The following CAPG variants were observed in gnomAD, a reference collection of about 807,000 sequenced individuals.
CAPG encodes the protein macrophage-capping protein.
Under a neutral mutation model 44.6 loss-of-function variants are expected in CAPG, and 32 were observed. That is an observed-to-expected ratio of 0.72 (90% CI 0.54 to 0.96). The LOEUF is 0.96. Ranked by LOEUF, CAPG falls within the 50% of genes least tolerant of loss-of-function variation. The probability of loss-of-function intolerance (pLI) is 0.00; values close to 1 mark genes in which losing one functional copy is unlikely to be tolerated. For synonymous variants in CAPG, 175 were observed against 179.6 expected, an observed-to-expected ratio of 0.97 and a Z score of 0.20; for missense variants, 412 against 438.3, an observed-to-expected ratio of 0.94 and a Z score of 0.54.
intron 6 of CAPG, 42 bp downstream of exon 6, chr2:85,399,094 T>C (rs748658508): frequency 1.4e-5 from 22 of 1,605,638 alleles, no homozygotes; most frequent in Non-Finnish European, 1.9e-5. Context: ...TTGGCCACTT[T>C]CAAGCAGAGG....
downstream of CAPG, among the ~76,000 whole-genome samples, chr2:85,392,908 G>C (rs1463041480): frequency 1.3e-5 from 2 of 152,116 alleles, no homozygotes; most frequent in African/African-American, 2.4e-5. Context: ...GTGCCCCCCA[G>C]ATGACAGAGT....
chr2:85,402,077 G>A (rs1231329329), intron 2 of CAPG, 46 bp downstream of exon 2: 1 of 1,610,166 alleles, frequency 6.2e-7, no homozygotes, highest in East Asian at 2.2e-5. Flanking sequence ...AGCCCTTGGA[G>A]GTAAAGAAGG....
intron 1 of CAPG, among the ~76,000 whole-genome samples, chr2:85,407,876 T>C (rs896011600): frequency 6.6e-6 from 1 of 152,126 alleles, no homozygotes; most frequent in Admixed American, 6.5e-5. Flanking sequence ...GGGTTGAAAC[T>C]CCTGCTGCCT....
chr2:85,403,614 C>A (rs972214678), intron 1 of CAPG, among the ~76,000 whole-genome samples: 2 of 152,104 alleles, frequency 1.3e-5, no homozygotes, highest in Non-Finnish European at 2.9e-5. Context: ...TTTGGCTGGA[C>A]ACGGTGGCTC....
chr2:85,409,260 C>T (rs1687312026), intron 1 of CAPG, among the ~76,000 whole-genome samples: 1 of 152,180 alleles, frequency 6.6e-6, no homozygotes, highest in South Asian at 2.1e-4. Flanking sequence ...CAGGCTGGAG[C>T]AGCCCCAGGA....
Position 85,398,745 on chromosome 2 carries a change from G to C in CAPG, c.704C>G (p.Pro235Arg). The C allele has an allele frequency of 6.2e-7, 1 of 1,607,906 alleles. No homozygotes were observed. Among genetic ancestry groups the C allele is most frequent in the Non-Finnish European group, 8.5e-7 (1 of 1,177,296 alleles). Residue 235 changes from proline (P) to arginine (R), a missense_variant, in exon 7 of 10, where the codon CCT (proline) becomes CGT (arginine). Pro to Arg is a moderately radical substitution (Grantham distance 103). Transcript: ENST00000263867. ...CTTGTCAGCTGTGAGGTCTTCCTCA[G>C]GGTTGCCCTCCTTCAGAGCAGGCTT... is the stretch of plus-strand genomic sequence containing the variant. Reference protein sequence around the residue: ...GPKPALKEGNPEEDLTADKAN... With the variant: ...GPKPALKEGNREEDLTADKAN...
rs142762000 is a variant in CAPG, at chr2:85,401,227, C to T, written c.454G>A (p.Glu152Lys). The T allele has an allele frequency of 5.0e-6, 8 of 1,614,170 alleles. No individual in the cohort carries two copies. Among genetic ancestry groups the T allele is most frequent in the African/African-American group, 1.3e-5 (1 of 75,044 alleles). The change falls in exon 5 of 10, where the codon GAG becomes AAG. Residue 152 changes from glutamate to lysine, a missense_variant. Coordinates refer to ENST00000263867, the MANE Select transcript of CAPG (RefSeq NM_001747.4). ...VKGKKNIRAT[E>K]RALNWDSFNT... ...AAGCTGTCCCAGTTCAGTGCCCGCT[C>T]GGTGGCACGGATGTTCTTCTTCCCC...
intron 5 of CAPG, among the ~76,000 whole-genome samples, chr2:85,399,730 CTTTCTT>C (rs1463372849): frequency 3.9e-4 from 58 of 147,920 alleles, no homozygotes; most frequent in African/African-American, 1.4e-3. Context: ...GCTCAAGCCT[CTTTCTT>C]TTTCTTTTTT....
chr2:85,398,209 C>G, intron 7 of CAPG, 57 bp from the exon 8 acceptor site: 2 of 1,584,610 alleles, frequency 1.3e-6, no homozygotes, highest in Non-Finnish European at 1.7e-6. Context: ...CTCACCTCAG[C>G]CTGAGGAGGG....
upstream of CAPG, among the ~76,000 whole-genome samples, chr2:85,419,443 G>A (rs1687666476): frequency 6.6e-6 from 1 of 152,200 alleles, no homozygotes; most frequent in South Asian, 2.1e-4. Context: ...CTCAGGGTCC[G>A]GCCTGCTCGG....
In CAPG at chr2:85,401,943, G is replaced by C. The variant is rs753111035; in HGVS notation, c.38C>G (p.Pro13Arg). ...CAGGCCTGGATCCTGCACTGAGCCT[G>C]GGAATGGAGAGCCACTGCGAGAAGA... ...TAIPQSGSPF[P>R]GSVQDPGLHV... The change falls in exon 3 of 10, where the codon CCA becomes CGA. Residue 13 changes from proline to arginine, a missense_variant. Coordinates refer to ENST00000263867, the MANE Select transcript of CAPG (RefSeq NM_001747.4). 18 of 1,614,146 alleles carry C rather than the reference G, an allele frequency of 1.1e-5. No homozygotes were observed. The highest frequency in any genetic ancestry group is 1.5e-5 in the Non-Finnish European group (18 of 1,180,012).
chr2:85,402,277 C>T, intron 1 of CAPG, 119 bp from the exon 2 acceptor site: 6 of 727,692 alleles, frequency 8.2e-6, no homozygotes. Context: ...TACTCCACCT[C>T]TAGGAGCCCT....
chr2:85,398,210 C>T, intron 7 of CAPG, 58 bp from the exon 8 acceptor site: 1 of 1,585,750 alleles, frequency 6.3e-7, no homozygotes, highest in Non-Finnish European at 8.6e-7. Context: ...TCACCTCAGC[C>T]TGAGGAGGGG....
At chr2:85,403,836 A>G (rs917308028) in intron 1 of CAPG, among the ~76,000 whole-genome samples, 1 of 149,588 alleles carries the variant, frequency 6.7e-6, no homozygotes. Context: ...GCAGTGAGCT[A>G]AGCCCATGCC....
upstream of CAPG, chr2:85,413,705 T>A (rs1234100134): frequency 6.6e-6 from 1 of 152,056 alleles, no homozygotes; most frequent in African/African-American, 2.4e-5. Context: ...TAGAACTAGT[T>A]TTTTTACCAG....
intron 5 of CAPG, among the ~76,000 whole-genome samples, chr2:85,399,591 A>C (rs994145076): frequency 1.3e-5 from 2 of 152,206 alleles, no homozygotes; most frequent in African/African-American, 4.8e-5. Flanking sequence ...CATGGGCTCA[A>C]GCAATCGTTG....
intron 1 of CAPG, among the ~76,000 whole-genome samples, chr2:85,407,902 C>A (rs550106925): frequency 6.6e-6 from 1 of 152,124 alleles, no homozygotes; most frequent in African/African-American, 2.4e-5. Flanking sequence ...GATCTCTGTC[C>A]CGAGACCTTT....
chr2:85,392,133 G>A (rs1174068847), downstream of CAPG, among the ~76,000 whole-genome samples: 1 of 152,222 alleles, frequency 6.6e-6, no homozygotes, highest in Non-Finnish European at 1.5e-5. Flanking sequence ...GCTCACGCCT[G>A]TAATCCCAGC....
intron 5 of CAPG, among the ~76,000 whole-genome samples, chr2:85,399,508 C>T (rs952878178): frequency 2.6e-5 from 4 of 152,100 alleles, no homozygotes; most frequent in Non-Finnish European, 4.4e-5. Context: ...TTCTTTTTTT[C>T]GAGACAGGGT....
Sources: gnomAD v4.1 joint callset for allele counts (sites outside exome capture counted in the v4.1 genomes callset) on GRCh38, gnomAD v4.1.1 for gene constraint, MANE v1.5 for transcripts, NCBI Gene and HGNC (gene_info 2026-07-23, HGNC 2026-07-21) for gene names.